Variants in LINGO2 observed in about 807,000 individuals in gnomAD.
LINGO2 encodes the protein leucine rich repeat and Ig domain containing 2, also known as leucine-rich repeat and immunoglobulin-like domain-containing nogo receptor-interacting protein 2.
A neutral mutation model predicts 30.6 loss-of-function variants in LINGO2; 14 were observed. The observed-to-expected ratio is 0.46, with a 90% CI of 0.30 to 0.72. The LOEUF (loss-of-function observed/expected upper bound fraction) is 0.72. Among genes scored for constraint, LINGO2 ranks in the 30% least tolerant of loss-of-function variants. The pLI, the probability that LINGO2 is intolerant of heterozygous loss-of-function variation, is 0.07. For missense variants in LINGO2, 729 were observed against 751.7 expected (o/e 0.97, Z 0.35); for synonymous variants, 317 against 288.5 (o/e 1.10, Z -1.00).
chr9:28,403,749 T>A (rs1822374911), intron 2 of LINGO2, among the ~76,000 whole-genome samples: 1 of 151,978 alleles, frequency 6.6e-6, no homozygotes, highest in South Asian at 2.1e-4. Context: ...GAAGCAGAGT[T>A]TACATAATAG....
At chr9:28,848,289 A>ATATATATGCG in the LINGO2 span, among the ~76,000 whole-genome samples, 8 of 60,514 alleles carry the variant, frequency 1.3e-4, no homozygotes, top group African/African-American at 5.8e-4. Context: ...TACACTATGC[A>ATATATATGCG]TATATATATA....
chr9:28,813,361 T>C, the LINGO2 span, among the ~76,000 whole-genome samples: 2 of 152,146 alleles, frequency 1.3e-5, no homozygotes, highest in African/African-American at 4.8e-5. Context: ...ACTAATAAAA[T>C]AGAAAAATTA....
chr9:28,066,670 A>G (rs1825323219), intron 4 of LINGO2, among the ~76,000 whole-genome samples: 1 of 152,098 alleles, frequency 6.6e-6, no homozygotes, highest in African/African-American at 2.4e-5. Context: ...CTTAGAAGAA[A>G]TACCTGCTGT....
the LINGO2 span, among the ~76,000 whole-genome samples, chr9:28,900,398 C>A: frequency 3.7e-4 from 56 of 152,170 alleles, no homozygotes; most frequent in African/African-American, 1.3e-3. Context: ...TCAGTACCCA[C>A]AGAAGTTCCT....
intron 5 of LINGO2, among the ~76,000 whole-genome samples, chr9:27,991,887 C>T (rs1389360329): frequency 6.6e-6 from 1 of 152,046 alleles, no homozygotes; most frequent in Non-Finnish European, 1.5e-5. Context: ...GAGCTGCCTT[C>T]CATTTTTTAA....
chr9:28,984,408 G>A, the LINGO2 span, among the ~76,000 whole-genome samples: 1 of 151,938 alleles, frequency 6.6e-6, no homozygotes, highest in African/African-American at 2.4e-5. Flanking sequence ...AAAATCTACT[G>A]TTTTAATTTT....
intron 4 of LINGO2, among the ~76,000 whole-genome samples, chr9:28,100,556 A>C (rs2133309672): frequency 6.6e-6 from 1 of 152,340 alleles, no homozygotes; most frequent in Non-Finnish European, 1.5e-5. Context: ...GAGTCCAAAA[A>C]GAAAATTAAT....
intron 5 of LINGO2, among the ~76,000 whole-genome samples, chr9:27,977,835 A>C (rs1820675708): frequency 6.6e-6 from 1 of 151,944 alleles, no homozygotes; most frequent in African/African-American, 2.4e-5. Context: ...CATGTGAAAG[A>C]GTGACTGCAA....
intron 4 of LINGO2, among the ~76,000 whole-genome samples, chr9:28,215,243 A>G (rs1215876678): frequency 1.3e-5 from 2 of 151,854 alleles, no homozygotes; most frequent in African/African-American, 4.8e-5. Context: ...TTCCCATTTC[A>G]TATAGAAAAA....
the LINGO2 span, among the ~76,000 whole-genome samples, chr9:28,772,376 C>G: frequency 1.3e-5 from 2 of 152,188 alleles, no homozygotes; most frequent in African/African-American, 2.4e-5. Context: ...TTAGTAACAT[C>G]CTTTTTGAAA....
chr9:28,107,787 G>A (rs1826640724), intron 4 of LINGO2, among the ~76,000 whole-genome samples: 1 of 152,066 alleles, frequency 6.6e-6, no homozygotes, highest in Admixed American at 6.6e-5. Context: ...TTTCTAAGGG[G>A]AGTCTGTGCA....
the LINGO2 span, among the ~76,000 whole-genome samples, chr9:28,866,596 G>A: frequency 6.6e-6 from 1 of 152,148 alleles, no homozygotes; most frequent in African/African-American, 2.4e-5. Flanking sequence ...GAAGGGTGGT[G>A]TGAATTAGAC....
At chr9:28,505,733 C>T (rs1449775534) in intron 1 of LINGO2, among the ~76,000 whole-genome samples, 2 of 151,866 alleles carry the variant, frequency 1.3e-5, no homozygotes, top group African/African-American at 4.8e-5. Context: ...TTTGTAAACC[C>T]TAATTCCGAG....
the LINGO2 span, among the ~76,000 whole-genome samples, chr9:28,917,009 T>A: frequency 6.6e-6 from 1 of 152,180 alleles, no homozygotes; most frequent in African/African-American, 2.4e-5. Context: ...AATGTTCAAC[T>A]AATAATTCCC....
rs147508560 is a variant in LINGO2 at position 27,960,374 on chromosome 9, C to A, written c.-35-9668G>T. Among the ~76,000 whole-genome samples, 1,082 of 152,228 alleles carry A rather than the reference C, an allele frequency of 7.1e-3. 10 individuals are homozygous for A. The highest frequency in any genetic ancestry group is 0.02 in the African/African-American group (849 of 41,536). Reference sequence around the variant, plus strand: ...CCTGGCAACAGAGGTGAACTGATAGCATTCGATAAAACATGACCTGAGAAG... The same window carrying A: ...CCTGGCAACAGAGGTGAACTGATAGAATTCGATAAAACATGACCTGAGAAG... On this transcript the variant is annotated intron_variant, in intron 5 of 5. Transcript: ENST00000379992.
At position 28,353,318 on chromosome 9, in the gene LINGO2, C is replaced by G. The variant is rs769250152; in HGVS notation, c.-246+19518G>C. 3.6e-3 allele frequency among the ~76,000 whole-genome samples: 526 copies of G among 146,244 alleles called. 7 individuals carry two copies. The highest frequency in any genetic ancestry group is 1.3e-3 in the Non-Finnish European group (86 of 66,430). On this transcript the variant is annotated intron_variant, in intron 3 of 5. Coordinates refer to ENST00000379992, the Ensembl canonical transcript of LINGO2. ...AACAAATTTACAAGAAAAAAACAAA[C>G]AACCCCATCCAAAAGTGGGCGAAGG...
At chr9:29,098,146 A>G in the LINGO2 span, among the ~76,000 whole-genome samples, 1 of 152,156 alleles carries the variant, frequency 6.6e-6, no homozygotes, top group Non-Finnish European at 1.5e-5. Context: ...CCATAGTAAA[A>G]ATGGTAGTTA....
At chr9:28,678,041 C>G in the LINGO2 span, among the ~76,000 whole-genome samples, 466 of 151,960 alleles carry the variant, frequency 3.1e-3, 4 homozygotes, top group African/African-American at 0.011. Context: ...TTCTTGAGCT[C>G]CTGCCCTTTC....
chr9:29,162,305 C>A, the LINGO2 span, among the ~76,000 whole-genome samples: 1 of 151,992 alleles, frequency 6.6e-6, no homozygotes, highest in Non-Finnish European at 1.5e-5. Flanking sequence ...ATATAGAAAT[C>A]CTTTGTGATT....
Sources: allele counts gnomAD v4.1 joint callset (sites outside exome capture counted in the v4.1 genomes callset), GRCh38; gene constraint gnomAD v4.1.1; transcripts MANE v1.5; gene names NCBI Gene and HGNC (gene_info 2026-07-23, HGNC 2026-07-21).